The following PTPRK variants were observed in gnomAD, a reference collection of about 807,000 sequenced individuals.
PTPRK encodes the protein receptor-type tyrosine-protein phosphatase kappa.
A neutral mutation model predicts 178.0 loss-of-function variants in PTPRK; 75 were observed. That is an observed-to-expected ratio of 0.42 (90% CI 0.35 to 0.51). The LOEUF (loss-of-function observed/expected upper bound fraction) is 0.51, where lower values mean the gene tolerates loss of function less well. PTPRK is among the 20% of genes least tolerant of loss of function. The probability of loss-of-function intolerance (pLI) is 0.02; values close to 1 mark genes in which losing one functional copy is unlikely to be tolerated. For missense variants in PTPRK, 1,441 were observed against 1,797.8 expected, an observed-to-expected ratio of 0.80 and a Z score of 3.59; for synonymous variants, 637 against 620.6, an observed-to-expected ratio of 1.03 and a Z score of -0.39.
intron 13 of PTPRK, among the ~76,000 whole-genome samples, chr6:128,056,729 TA>T (rs1390894658): frequency 2.0e-4 from 30 of 152,244 alleles, no homozygotes; most frequent in African/African-American, 7.0e-4. Flanking sequence ...TGGCTAGAAA[TA>T]TGCTTTTAAA....
chr6:128,163,656 AT>A (rs1798992598), intron 7 of PTPRK, among the ~76,000 whole-genome samples: 1 of 151,646 alleles, frequency 6.6e-6, no homozygotes. Context: ...AGGTTAAAAA[AT>A]GCTTAAAATA....
Position 128,089,923 on chromosome 6 carries a change from T to A in PTPRK, c.1232A>T (p.Glu411Val). The change falls in exon 8 of 30, where the codon GAA (glutamate) becomes GTA (valine). Residue 411 changes from glutamate to valine, a missense_variant. This residue lies in a region of PTPRK where 945 missense variants were observed against 1,080.6 expected (regional missense o/e 0.87). Coordinates refer to ENST00000368226, the MANE Select transcript of PTPRK (RefSeq NM_002844.4). The stretch of plus-strand genomic sequence containing the variant: ...ACGCGTAATGTTGTAACCCAAGGAT[T>A]CCCAGTCCACAGCAATCCGTCTTGC... ...IQARRIAVDW[E>V]SLGYNITRCH... 6.2e-7 allele frequency: 1 copy of A among 1,612,332 alleles called. No homozygotes were observed. Among genetic ancestry groups the A allele is most frequent in the Non-Finnish European group, 8.5e-7 (1 of 1,178,356 alleles).
At chr6:128,454,795 G>A (rs28531950) in intron 1 of PTPRK, among the ~76,000 whole-genome samples, 3 of 151,826 alleles carry the variant, frequency 2.0e-5, no homozygotes, top group Non-Finnish European at 4.4e-5. Context: ...TGTAATGTGG[G>A]TCTGCTCATG....
At chr6:128,470,911 C>CTT (rs35084056) in intron 1 of PTPRK, among the ~76,000 whole-genome samples, 20 of 137,656 alleles carry the variant, frequency 1.5e-4, no homozygotes, top group African/African-American at 4.5e-4. Flanking sequence ...TTCTTTCTTC[C>CTT]TTTTTTTTTT....
At chr6:128,393,366 G>A (rs1418152188) in intron 2 of PTPRK, among the ~76,000 whole-genome samples, 1 of 152,130 alleles carries the variant, frequency 6.6e-6, no homozygotes. Flanking sequence ...TGGGATTACA[G>A]GCGTGAGCCA....
At chr6:128,166,554 C>A (rs999178228) in intron 7 of PTPRK, among the ~76,000 whole-genome samples, 1 of 151,642 alleles carries the variant, frequency 6.6e-6, no homozygotes, top group Non-Finnish European at 1.5e-5. Flanking sequence ...TAAGCATTAG[C>A]TGCTATATTA....
intron 5 of PTPRK, among the ~76,000 whole-genome samples, chr6:128,228,684 C>T (rs527527186): frequency 1.4e-5 from 2 of 144,174 alleles, no homozygotes; most frequent in African/African-American, 2.5e-5. Flanking sequence ...GCAAAAACAA[C>T]AACAACAACA....
At chr6:128,413,547 A>C (rs1157769627) in intron 1 of PTPRK, among the ~76,000 whole-genome samples, 1 of 152,112 alleles carries the variant, frequency 6.6e-6, no homozygotes, top group African/African-American at 2.4e-5. Context: ...AAAGGACAGG[A>C]CTTCTGTGAT....
intron 3 of PTPRK, chr6:128,321,102 G>A (rs973215520): frequency 6.6e-6 from 1 of 151,970 alleles, no homozygotes; most frequent in African/African-American, 2.4e-5. Context: ...CTAACTTAAA[G>A]ACATAATTCA....
At chr6:128,378,815 G>A (rs1837471080) in intron 2 of PTPRK, among the ~76,000 whole-genome samples, 3 of 151,938 alleles carry the variant, frequency 2.0e-5, no homozygotes, top group Non-Finnish European at 2.9e-5. Flanking sequence ...TCTTATAAAT[G>A]CTGTTTTCAC....
chr6:128,070,650 C>T (rs749701983), intron 11 of PTPRK, among the ~76,000 whole-genome samples: 1 of 151,846 alleles, frequency 6.6e-6, no homozygotes, highest in African/African-American at 2.4e-5. Context: ...GGTCACCGCA[C>T]TCTATAACCC....
chr6:128,493,595 C>CAT (rs913680745), intron 1 of PTPRK, among the ~76,000 whole-genome samples: 1 of 9,114 alleles, frequency 1.1e-4, no homozygotes, highest in African/African-American at 2.6e-4. Flanking sequence ...GCCCCCTACA[C>CAT]ACACACACAC....
At chr6:128,395,630 G>A (rs890573484) in intron 2 of PTPRK, among the ~76,000 whole-genome samples, 6 of 151,802 alleles carry the variant, frequency 4.0e-5, no homozygotes, top group African/African-American at 1.5e-4. Flanking sequence ...AGAAAATTCA[G>A]GTGAAAAATT....
chr6:128,206,436 C>G (rs551718475), intron 6 of PTPRK, among the ~76,000 whole-genome samples: 1 of 146,386 alleles, frequency 6.8e-6, no homozygotes, highest in East Asian at 2.0e-4. Flanking sequence ...ATCAGAGTGT[C>G]TTACACTGTT....
chr6:128,417,104 T>C (rs566333573), intron 1 of PTPRK, among the ~76,000 whole-genome samples: 1 of 151,720 alleles, frequency 6.6e-6, no homozygotes, highest in Non-Finnish European at 1.5e-5. Context: ...CTAAAGTCTG[T>C]ATTTTCCCCT....
At chr6:128,161,327 A>G (rs1271832671) in intron 7 of PTPRK, among the ~76,000 whole-genome samples, 1 of 151,644 alleles carries the variant, frequency 6.6e-6, no homozygotes, top group Non-Finnish European at 1.5e-5. Flanking sequence ...TGAATTGTCA[A>G]TGTGTATTCC....
At chr6:128,461,012 T>C (rs1848985592) in intron 1 of PTPRK, among the ~76,000 whole-genome samples, 1 of 152,110 alleles carries the variant, frequency 6.6e-6, no homozygotes, top group Non-Finnish European at 1.5e-5. Context: ...GGAAGAATAG[T>C]AAAAGAAAAA....
At chr6:128,435,123 AGGAAGGCAGGCAGGC>A in intron 1 of PTPRK, among the ~76,000 whole-genome samples, 1 of 113,978 alleles carries the variant, frequency 8.8e-6, no homozygotes, top group African/African-American at 4.8e-5. Context: ...GAAGGCAGGC[AGGAAGGCAGGCAGGC>A]AGGCAGGCAG....
chr6:128,333,206 G>A (rs915723032), intron 2 of PTPRK, among the ~76,000 whole-genome samples: 2 of 152,130 alleles, frequency 1.3e-5, no homozygotes, highest in African/African-American at 2.4e-5. Flanking sequence ...CCTGGAAACT[G>A]CCTGAAGACT....
Sources: allele counts gnomAD v4.1 joint callset (sites outside exome capture counted in the v4.1 genomes callset), GRCh38; gene constraint gnomAD v4.1.1; regional missense constraint gnomAD v4.1.1; transcripts MANE v1.5; gene names NCBI Gene and HGNC (gene_info 2026-07-23, HGNC 2026-07-21).